Variants in OTOGL observed in about 807,000 individuals in gnomAD.
OTOGL encodes otogelin-like protein.
A neutral mutation model predicts 318.5 loss-of-function variants in OTOGL; 285 were observed. The ratio of observed to expected loss-of-function variants is 0.89; its 90% CI spans 0.81 to 0.99. The LOEUF is 0.99. Among genes scored for constraint, OTOGL ranks in the 50% least tolerant of loss-of-function variants. OTOGL has a pLI of 0.00. For synonymous variants in OTOGL, 987 were observed against 936.5 expected (o/e 1.05, Z -0.99); for missense variants, 2,899 against 2,845.6 (o/e 1.02, Z -0.43).
chr12:80,137,720 T>C (rs1871665259), intron 1 of OTOGL, among the ~76,000 whole-genome samples: 1 of 152,228 alleles, frequency 6.6e-6, no homozygotes, highest in Admixed American at 6.5e-5. Context: ...TCTTGCCTCA[T>C]GTTTCTAGGT....
intron 1 of OTOGL, among the ~76,000 whole-genome samples, chr12:80,110,912 C>CT (rs1869799320): frequency 6.6e-6 from 1 of 152,146 alleles, no homozygotes; most frequent in African/African-American, 2.4e-5. Context: ...TCTCCAGCAT[C>CT]TGTTTCCAGG....
intron 26 of OTOGL, among the ~76,000 whole-genome samples, chr12:80,294,618 G>A (rs1213969854): frequency 6.6e-6 from 1 of 152,080 alleles, no homozygotes; most frequent in Non-Finnish European, 1.5e-5. Flanking sequence ...GGAAAAATGG[G>A]TTACAGAGGG....
intron 1 of OTOGL, among the ~76,000 whole-genome samples, chr12:80,159,903 C>CTTGT (rs1873388881): frequency 6.6e-6 from 1 of 152,010 alleles, no homozygotes; most frequent in Non-Finnish European, 1.5e-5. Context: ...AAAATAGGCA[C>CTTGT]ATAAACCAAT....
rs752884866 is a variant in OTOGL at position 80,296,916 on chromosome 12, A to C, written c.3018A>C (p.Ser1006=). The change falls in exon 27 of 59, where the codon TCA becomes TCC. Residue 1006 remains serine (S), a synonymous_variant. Transcript: ENST00000547103. ...TTTGTTCTAAAAGTGTTTTGATTTC[A>C]GTTGGGGACACTGAAATTTACCTGA... ...DIVCSKSVLI[S]VGDTEIYLND... 132 of 1,549,870 alleles carry C rather than the reference A, an allele frequency of 8.5e-5. No individual in the cohort carries two copies. Among genetic ancestry groups the C allele is most frequent in the Non-Finnish European group, 1.1e-4 (131 of 1,150,642 alleles).
chr12:80,183,121 C>CAA (rs199539108), intron 1 of OTOGL, among the ~76,000 whole-genome samples: 2,034 of 152,290 alleles, frequency 0.013, 43 homozygotes, highest in African/African-American at 0.045. Context: ...CCTTCATCAA[C>CAA]AGTCAAGTGT....
intron 29 of OTOGL, among the ~76,000 whole-genome samples, chr12:80,307,859 G>T (rs1322123321): frequency 7.5e-6 from 1 of 132,896 alleles, no homozygotes; most frequent in Admixed American, 7.1e-5. Context: ...CGGCTGGCCG[G>T]GCGGGGGGCT....
At chr12:80,160,085 C>T (rs539575250) in intron 1 of OTOGL, among the ~76,000 whole-genome samples, 55 of 152,154 alleles carry the variant, frequency 3.6e-4, no homozygotes, top group South Asian at 1.2e-3. Flanking sequence ...TCATTTTATA[C>T]AAAAATCAAT....
At chr12:80,189,386 C>T (rs1875520495) in intron 1 of OTOGL, 2 of 966,852 alleles carry the variant, frequency 2.1e-6, no homozygotes, top group Non-Finnish European at 2.5e-6. Context: ...AAAGAGAATC[C>T]AGTCTTTGAC....
At chr12:80,356,598 G>T in intron 48 of OTOGL, 78 bp downstream of exon 48, 1 of 1,156,316 alleles carries the variant, frequency 8.6e-7, no homozygotes, top group Non-Finnish European at 1.2e-6. Flanking sequence ...CATTCATTGT[G>T]TCTCCAAGAG....
chr12:80,366,532 A>AT, intron 52 of OTOGL, 42 bp from the exon 53 acceptor site: 1 of 123,034 alleles, frequency 8.1e-6, no homozygotes, highest in Non-Finnish European at 1.3e-5. Flanking sequence ...TATATATATA[A>AT]AATAAGCTAA....
chr12:80,212,446 T>C (rs1877339122), intron 4 of OTOGL, among the ~76,000 whole-genome samples: 1 of 152,190 alleles, frequency 6.6e-6, no homozygotes, highest in Non-Finnish European at 1.5e-5. Context: ...GTTTTTATAA[T>C]GTCTGATAAA....
intron 43 of OTOGL, among the ~76,000 whole-genome samples, chr12:80,340,825 T>G (rs994301861): frequency 3.3e-5 from 5 of 152,154 alleles, no homozygotes; most frequent in Non-Finnish European, 7.4e-5. Context: ...CTATGAAGTC[T>G]GGAGTGGTGA....
chr12:80,113,176 T>C (rs1482584316), intron 1 of OTOGL, among the ~76,000 whole-genome samples: 1 of 152,202 alleles, frequency 6.6e-6, no homozygotes, highest in Non-Finnish European at 1.5e-5. Context: ...GGTCTATGTA[T>C]TTTGTTAATC....
At chr12:80,259,354 AT>A (rs1171052782) in intron 18 of OTOGL, among the ~76,000 whole-genome samples, 1 of 151,500 alleles carries the variant, frequency 6.6e-6, no homozygotes, top group East Asian at 1.9e-4. Context: ...AAAACATTTT[AT>A]TTAATTTATT....
chr12:80,196,564 G>T (rs370341504), intron 1 of OTOGL, among the ~76,000 whole-genome samples: 1 of 152,148 alleles, frequency 6.6e-6, no homozygotes, highest in African/African-American at 2.4e-5. Flanking sequence ...GGTTTCACTT[G>T]TTCTTGTCTG....
At chr12:80,250,138 G>A (rs935794163) in intron 11 of OTOGL, among the ~76,000 whole-genome samples, 3 of 152,156 alleles carry the variant, frequency 2.0e-5, no homozygotes, top group South Asian at 4.1e-4. Flanking sequence ...TGTCGCTCAC[G>A]CTGGGAGCTG....
intron 27 of OTOGL, among the ~76,000 whole-genome samples, chr12:80,301,821 C>G (rs1217621876): frequency 6.6e-6 from 1 of 152,170 alleles, no homozygotes; most frequent in African/African-American, 2.4e-5. Context: ...TAGTAGCAGA[C>G]CCAATTGCCA....
At chr12:80,322,019 C>A (rs1446394412) in intron 34 of OTOGL, among the ~76,000 whole-genome samples, 1 of 152,148 alleles carries the variant, frequency 6.6e-6, no homozygotes, top group Non-Finnish European at 1.5e-5. Flanking sequence ...CTGGAATCAC[C>A]GAGCACACAC....
In OTOGL at chr12:80,251,761, A is replaced by G. The variant is rs1288290615; in HGVS notation, c.1121A>G (p.Tyr374Cys). Residue 374 changes from tyrosine to cysteine, a missense_variant, in exon 12 of 59, where the codon TAC becomes TGC. Physicochemically the swap from Tyr to Cys is radical, Grantham distance 194. Transcript: ENST00000547103. ...EYARACSHAG[Y>C]PIQDWRDDFP... Reference sequence around the variant, plus strand: ...GCTAGAGCCTGCTCTCATGCTGGCTACCCTATTCAAGACTGGAGAGATGAC... The same window carrying G: ...GCTAGAGCCTGCTCTCATGCTGGCTGCCCTATTCAAGACTGGAGAGATGAC... The G allele has an allele frequency of 1.9e-6, 3 of 1,589,692 alleles. No homozygotes were observed. The highest frequency in any genetic ancestry group is 1.3e-5 in the African/African-American group (1 of 74,604).
Sources: gnomAD v4.1 joint callset for allele counts (sites outside exome capture counted in the v4.1 genomes callset) on GRCh38, gnomAD v4.1.1 for gene constraint, MANE v1.5 for transcripts, NCBI Gene and HGNC (gene_info 2026-07-23, HGNC 2026-07-21) for gene names.